The following ZNF385D variants were observed in gnomAD, a reference collection of about 807,000 sequenced individuals.
The protein encoded by ZNF385D is zinc finger protein 659.
ZNF385D carries 15 observed loss-of-function variants against 35.8 expected under a neutral mutation model. The observed-to-expected ratio is 0.42, with a 90% CI of 0.28 to 0.64. The LOEUF is 0.64. Among genes scored for constraint, ZNF385D ranks in the 30% least tolerant of loss-of-function variants. The probability of loss-of-function intolerance (pLI) is 0.23; values close to 1 mark genes in which losing one functional copy is unlikely to be tolerated. For missense variants in ZNF385D, 474 were observed against 494.6 expected (o/e 0.96, Z 0.39); for synonymous variants, 212 against 186.8 (o/e 1.13, Z -1.10).
At chr3:22,223,100 T>C (rs1257164818) in intron 2 of ZNF385D, among the ~76,000 whole-genome samples, 1 of 152,150 alleles carries the variant, frequency 6.6e-6, no homozygotes, top group Non-Finnish European at 1.5e-5. Flanking sequence ...AAGTTTTTAA[T>C]GTAAGAACTA....
At chr3:21,953,125 G>A (rs1359516785) in intron 3 of ZNF385D, among the ~76,000 whole-genome samples, 1 of 151,852 alleles carries the variant, frequency 6.6e-6, no homozygotes, top group Non-Finnish European at 1.5e-5. Flanking sequence ...TTCTCTGCTG[G>A]CCAGATTTTC....
intron 2 of ZNF385D, among the ~76,000 whole-genome samples, chr3:22,275,131 G>T (rs1368611019): frequency 1.3e-5 from 2 of 152,118 alleles, no homozygotes; most frequent in African/African-American, 4.8e-5. Flanking sequence ...CTTCAACTAT[G>T]TTAGGAAGAG....
chr3:22,320,245 G>T (rs1694350174), intron 2 of ZNF385D, among the ~76,000 whole-genome samples: 1 of 152,170 alleles, frequency 6.6e-6, no homozygotes, highest in East Asian at 1.9e-4. Flanking sequence ...TATCTGAGTT[G>T]CTCTGCAGCT....
rs144414846 is a variant in ZNF385D, at chr3:22,301,124, T to C, written c.106+71326A>G. 4.6e-4 allele frequency among the ~76,000 whole-genome samples: 70 copies of C among 152,132 alleles called. 1 individual carries two copies. In the East Asian group the frequency reaches 0.011, roughly 25 times the overall value. On this transcript the variant is annotated intron_variant, in intron 2 of 5. Coordinates refer to the ZNF385D transcript ENST00000494108. ...CCTTAAGAAGAAGGAAATCCTGTCATTTGAGACAACAGAGATGAACCTGGA... is the reference window on the plus strand; with the variant it reads ...CCTTAAGAAGAAGGAAATCCTGTCACTTGAGACAACAGAGATGAACCTGGA...
chr3:21,625,750 A>C (rs2065118602), intron 2 of ZNF385D, among the ~76,000 whole-genome samples: 1 of 152,124 alleles, frequency 6.6e-6, no homozygotes, highest in Non-Finnish European at 1.5e-5. Flanking sequence ...AATTGAATTA[A>C]AACTAAAACT....
chr3:22,271,939 A>G (rs1336185578), intron 2 of ZNF385D, among the ~76,000 whole-genome samples: 1 of 152,016 alleles, frequency 6.6e-6, no homozygotes, highest in African/African-American at 2.4e-5. Flanking sequence ...TTGAATTTTG[A>G]TCTCCTCCCA....
chr3:21,463,131 C>T (rs188605691), intron 4 of ZNF385D, among the ~76,000 whole-genome samples: 1 of 152,034 alleles, frequency 6.6e-6, no homozygotes, highest in Admixed American at 6.6e-5. Flanking sequence ...AAGAGTATTA[C>T]AAATCATTTT....
chr3:22,018,238 TG>T lies in ZNF385D; in HGVS notation c.325+150578del, dbSNP rs201122339. On this transcript the variant is annotated intron_variant, in intron 3 of 5. Transcript: ENST00000494108. ...AATATGACTGTCTAAGAGGGATATG[TG>T]TTTTTTTTTAAGAATTTTTCGAAAA... Among the ~76,000 whole-genome samples, 848 of 149,840 alleles carry T rather than the reference TG, an allele frequency of 5.7e-3. 8 individuals are homozygous for T. The highest frequency in any genetic ancestry group is 0.02 in the African/African-American group (778 of 39,704).
chr3:22,372,076 G>C (rs1696934298), intron 2 of ZNF385D, among the ~76,000 whole-genome samples: 1 of 152,046 alleles, frequency 6.6e-6, no homozygotes, highest in South Asian at 2.1e-4. Context: ...CGTCCTTACC[G>C]GGTGGCCCAG....
intron 7 of ZNF385D, among the ~76,000 whole-genome samples, chr3:21,423,729 C>T (rs1490352757): frequency 6.6e-6 from 1 of 152,104 alleles, no homozygotes; most frequent in Non-Finnish European, 1.5e-5. Context: ...TTTTTCCTGA[C>T]CTTCCTTCCA....
chr3:21,688,808 A>C (rs114500414), intron 1 of ZNF385D, among the ~76,000 whole-genome samples: 2,213 of 152,312 alleles, frequency 0.015, 55 homozygotes, highest in African/African-American at 0.05. Context: ...ACAGCTTTGT[A>C]TTATACCATA....
chr3:21,939,009 T>C (rs548035577), intron 3 of ZNF385D, among the ~76,000 whole-genome samples: 1 of 152,350 alleles, frequency 6.6e-6, no homozygotes, highest in African/African-American at 2.4e-5. Flanking sequence ...GGAATTTGGT[T>C]GCTAGAAGTT....
At chr3:21,486,653 T>TA (rs1705051971) in intron 4 of ZNF385D, among the ~76,000 whole-genome samples, 1 of 152,076 alleles carries the variant, frequency 6.6e-6, no homozygotes, top group African/African-American at 2.4e-5. Flanking sequence ...ATGTAAAATA[T>TA]AAAAATGAAA....
At chr3:21,949,554 C>CTTTTTTTTTTTTT (rs372298558) in intron 3 of ZNF385D, among the ~76,000 whole-genome samples, 5 of 112,910 alleles carry the variant, frequency 4.4e-5, no homozygotes, top group South Asian at 2.9e-4. Context: ...TTCTTTCTTT[C>CTTTTTTTTTTTTT]TTTTTTTTTT....
intron 2 of ZNF385D, among the ~76,000 whole-genome samples, chr3:21,581,261 C>A (rs1333537728): frequency 1.3e-5 from 2 of 152,156 alleles, no homozygotes; most frequent in Non-Finnish European, 2.9e-5. Flanking sequence ...TCTTTCCTTT[C>A]TTCAGTCTTT....
At chr3:21,486,869 T>A (rs1202386348) in intron 4 of ZNF385D, among the ~76,000 whole-genome samples, 1 of 152,152 alleles carries the variant, frequency 6.6e-6, no homozygotes, top group African/African-American at 2.4e-5. Context: ...TGACTATTCA[T>A]ATCATACTTT....
intron 1 of ZNF385D, among the ~76,000 whole-genome samples, chr3:21,683,305 T>G (rs1236902925): frequency 6.7e-6 from 1 of 149,740 alleles, no homozygotes; most frequent in Non-Finnish European, 1.5e-5. Context: ...GATATTACTT[T>G]TGTGATTAGG....
chr3:21,931,677 G>T (rs1701014971), intron 3 of ZNF385D, among the ~76,000 whole-genome samples: 1 of 152,128 alleles, frequency 6.6e-6, no homozygotes, highest in Non-Finnish European at 1.5e-5. Flanking sequence ...ATAAATGGAT[G>T]CCTTCGGCTG....
rs79947833 is a variant in ZNF385D, at chr3:21,830,564, T to C, written c.326-165536A>G. On this transcript the variant is annotated intron_variant, in intron 3 of 5. Coordinates refer to the ZNF385D transcript ENST00000494108. The stretch of plus-strand genomic sequence containing the variant: ...TAGCCAGGACTGGTATGCTTAGCAA[T>C]TCTTACTTGGTATTTGTTTTCTTTC... Among the ~76,000 whole-genome samples the C allele has an allele frequency of 5.9e-5, 9 of 152,356 alleles. No homozygotes were observed. The East Asian group carries it at 1.5e-3, about 26-fold the overall frequency.
Sources: allele counts gnomAD v4.1 joint callset (sites outside exome capture counted in the v4.1 genomes callset), GRCh38; gene constraint gnomAD v4.1.1; transcripts MANE v1.5; gene names NCBI Gene and HGNC (gene_info 2026-07-23, HGNC 2026-07-21).